DDX18: variants seen among roughly 807,000 people sequenced by gnomAD.
The protein encoded by DDX18 is DEAD-box helicase 18, also known as ATP-dependent RNA helicase DDX18.
A neutral mutation model predicts 73.5 loss-of-function variants in DDX18; 23 were observed. The observed-to-expected ratio is 0.31, with a 90% CI of 0.23 to 0.44. The LOEUF (loss-of-function observed/expected upper bound fraction) is 0.44. Among genes scored for constraint, DDX18 ranks in the 20% least tolerant of loss-of-function variants. DDX18 has a pLI of 1.00. For missense variants in DDX18, 753 were observed against 792.9 expected (o/e 0.95, Z 0.60); for synonymous variants, 268 against 282.7 (o/e 0.95, Z 0.52).
In DDX18 at chr2:117,830,767, G is replaced by A; in HGVS notation, c.*43G>A. 6.3e-7 allele frequency: 1 copy of A among 1,596,410 alleles called. No individual in the cohort carries two copies. Among genetic ancestry groups the A allele is most frequent in the Non-Finnish European group, 8.5e-7 (1 of 1,175,516 alleles). ...ATCTTGAATAACTTTGTCCTAAAAT[G>A]AATTTTTTTTCCCCTTGATTTAACA... On this transcript the variant is annotated 3_prime_UTR_variant, in exon 14 of 14. Coordinates refer to ENST00000263239, the MANE Select transcript of DDX18 (RefSeq NM_006773.4).
At position 117,821,124 on chromosome 2, in the gene DDX18, A is replaced by G. The variant is rs758863266; in HGVS notation, c.515-37A>G. On this transcript the variant is annotated intron_variant, in intron 3 of 13. Transcript: ENST00000263239. Reference sequence around the variant, plus strand: ...TGTAGCAATACTTTTTTAAAAAAAAAGATAAATTTGCTAATGATAAATTGT... The same window carrying G: ...TGTAGCAATACTTTTTTAAAAAAAAGGATAAATTTGCTAATGATAAATTGT... The G allele has an allele frequency of 2.1e-6, 3 of 1,405,126 alleles. No individual in the cohort carries two copies. The African/African-American group carries it at 4.4e-5, about 21-fold the overall frequency. 87.0% of individuals were successfully genotyped at this position (1,405,126 alleles called of 1,614,324 possible).
At chr2:117,822,904 G>A (rs1161475452) in intron 7 of DDX18, 2 of 152,266 alleles carry the variant, frequency 1.3e-5, no homozygotes, top group African/African-American at 4.8e-5. Context: ...AAATAAAGTT[G>A]CTGTGAACAG....
rs1444761371 is a variant in DDX18 at position 117,828,404 on chromosome 2, C to G, written c.1636-545C>G. 4 of 152,234 alleles carry G rather than the reference C, an allele frequency of 2.6e-5. No homozygotes were observed. The East Asian group carries it at 5.8e-4, about 22-fold the overall frequency. The allele number at this position is 152,234 out of a possible 1,614,324, so 9.4% of individuals were successfully genotyped here. A position where few individuals can be genotyped will look rare whatever the true frequency, so the allele number is the denominator to read the frequency against. ...ACATTTCATTACTTATCTTTCTCCC[C>G]CTCAAGACGGCAAGCTCTCTGAGGG... is the stretch of plus-strand genomic sequence containing the variant. On this transcript the variant is annotated intron_variant, in intron 11 of 13. Coordinates refer to ENST00000263239, the MANE Select transcript of DDX18 (RefSeq NM_006773.4).
intron 1 of DDX18, among the ~76,000 whole-genome samples, chr2:117,815,323 G>A (rs1679739473): frequency 6.6e-6 from 1 of 152,142 alleles, no homozygotes; most frequent in Admixed American, 6.5e-5. Context: ...GAGCTTCTTT[G>A]ATACTATTGC....
rs749975131 is a variant in DDX18, at chr2:117,828,982, A to C, written c.1669A>C (p.Lys557Gln). ...PLSEFDFSWS[K>Q]ISDIQSQLEK... ...AAGTGAATTTGACTTTTCCTGGTCTAAAATTTCTGACATTCAGTCTCAGGT... is the reference window on the plus strand; with the variant it reads ...AAGTGAATTTGACTTTTCCTGGTCTCAAATTTCTGACATTCAGTCTCAGGT... The change falls in exon 12 of 14, where the codon AAA becomes CAA. Residue 557 changes from lysine (K) to glutamine (Q), a missense_variant. Around this residue, in one of 3 missense-constraint regions of DDX18, gnomAD observed 402 missense variants for 419.4 expected, o/e 0.96. Transcript: ENST00000263239. The C allele has an allele frequency of 4.3e-6, 7 of 1,612,764 alleles. No individual in the cohort carries two copies. The Admixed American group carries it at 1.2e-4, about 27-fold the overall frequency.
chr2:117,828,942 T>C lies in DDX18; in HGVS notation c.1636-7T>C. The C allele has an allele frequency of 6.3e-7, 1 of 1,591,558 alleles. No individual in the cohort carries two copies. The highest frequency in any genetic ancestry group is 8.6e-7 in the Non-Finnish European group (1 of 1,160,046). ...GGTTTACTAATCTTAATACTTTTGA[T>C]TTCTAGGTTCCATTAAGTGAATTTG... On this transcript the variant is annotated splice_region_variant and splice_polypyrimidine_tract_variant and intron_variant, in intron 11 of 13. Transcript: ENST00000263239.
chr2:117,819,376 C>T (rs951999789), intron 2 of DDX18, among the ~76,000 whole-genome samples: 3 of 152,160 alleles, frequency 2.0e-5, no homozygotes, highest in African/African-American at 4.8e-5. Flanking sequence ...TTCCTTTCCC[C>T]TCAGTGGAGT....
At chr2:117,823,423 A>G (rs1395906112) in intron 7 of DDX18, among the ~76,000 whole-genome samples, 3 of 152,072 alleles carry the variant, frequency 2.0e-5, no homozygotes, top group Non-Finnish European at 2.9e-5. Flanking sequence ...TCAAGTTCCA[A>G]TTGCTCGTTG....
rs1679815530 is a variant in DDX18, at chr2:117,819,769, C to T, written c.491C>T (p.Pro164Leu). ...PDNDEDESEV[P>L]SLPLGLTGAF... Reference sequence around the variant, plus strand: ...AATGATGAAGATGAGAGTGAGGTGCCCAGTCTGCCCCTGGGACTGACAGGT... The same window carrying T: ...AATGATGAAGATGAGAGTGAGGTGCTCAGTCTGCCCCTGGGACTGACAGGT... The change falls in exon 3 of 14, where the codon CCC (proline) becomes CTC (leucine). Residue 164 changes from proline (P) to leucine (L), a missense_variant. Pro to Leu is a moderately conservative substitution (Grantham distance 98). Transcript: ENST00000263239. 1 of 1,594,712 alleles carries T rather than the reference C, an allele frequency of 6.3e-7. No homozygotes were observed. The highest frequency in any genetic ancestry group is 1.4e-5 in the African/African-American group (1 of 73,406).
chr2:117,820,729 G>T (rs1380968554), intron 3 of DDX18, among the ~76,000 whole-genome samples: 1 of 152,096 alleles, frequency 6.6e-6, no homozygotes, highest in East Asian at 1.9e-4. Flanking sequence ...GGCTGTATCT[G>T]ACTCTTCTGT....
intron 13 of DDX18, among the ~76,000 whole-genome samples, chr2:117,830,251 G>A (rs1679998868): frequency 6.6e-6 from 1 of 152,198 alleles, no homozygotes; most frequent in African/African-American, 2.4e-5. Flanking sequence ...TTTTGACACA[G>A]GAGGTGTTTT....
intron 12 of DDX18, 99 bp downstream of exon 12, chr2:117,829,104 C>T (rs1030471372): frequency 8.1e-7 from 1 of 1,233,172 alleles, no homozygotes; most frequent in Admixed American, 1.9e-5. Context: ...GAAGTCTACC[C>T]TGTCCTAAAG....
chr2:117,820,103 T>C (rs17508059), intron 3 of DDX18, among the ~76,000 whole-genome samples: 8,645 of 152,296 alleles, frequency 0.057, 320 homozygotes, highest in Non-Finnish European at 0.087. Context: ...AATAGGAAAA[T>C]GATTGGCCCT....
intron 10 of DDX18, 74 bp from the exon 11 acceptor site, chr2:117,826,195 C>T: frequency 8.0e-7 from 1 of 1,256,614 alleles, no homozygotes; most frequent in Non-Finnish European, 1.1e-6. Context: ...CATGCACATA[C>T]TCAGGATGCA....
chr2:117,830,513 T>G, intron 13 of DDX18, 69 bp from the exon 14 acceptor site: 2 of 1,547,972 alleles, frequency 1.3e-6, no homozygotes, highest in Admixed American at 4.3e-5. Context: ...GCCGGTTTTT[T>G]TCTCTGTGTA....
chr2:117,826,409 T>TTCTCTTG (rs1224387364), intron 11 of DDX18, 27 bp downstream of exon 11: 2 of 1,599,722 alleles, frequency 1.3e-6, no homozygotes, highest in Admixed American at 3.4e-5. Context: ...GGAGAAAGAT[T>TTCTCTTG]TCTCTTGGTG....
intron 1 of DDX18, 26 bp from the exon 2 acceptor site, chr2:117,817,418 A>C: frequency 6.5e-7 from 1 of 1,539,862 alleles, no homozygotes; most frequent in Non-Finnish European, 8.7e-7. Flanking sequence ...TCTTTGTCAC[A>C]GTATATGTTC....
chr2:117,825,308 G>A (rs1679906728), intron 9 of DDX18, 139 bp from the exon 10 acceptor site: 1 of 1,236,344 alleles, frequency 8.1e-7, no homozygotes, highest in South Asian at 1.4e-5. Context: ...CTCCTTGAGG[G>A]GCTTGCGGAA....
At chr2:117,827,476 A>C (rs1404776673) in intron 11 of DDX18, 1 of 145,780 alleles carries the variant, frequency 6.9e-6, no homozygotes, top group Admixed American at 6.8e-5. Context: ...TCCTAATGCT[A>C]TCCCTTCCCC....
Sources: gnomAD v4.1 joint callset for allele counts (sites outside exome capture counted in the v4.1 genomes callset) on GRCh38, gnomAD v4.1.1 for gene constraint, gnomAD v4.1.1 regional missense constraint, MANE v1.5 for transcripts, NCBI Gene and HGNC (gene_info 2026-07-23, HGNC 2026-07-21) for gene names.